The following NEB variants were observed in gnomAD, a reference collection of about 807,000 sequenced individuals.
NEB encodes nebulin.
Under a neutral mutation model 952.2 loss-of-function variants are expected in NEB, and 512 were observed. That is an observed-to-expected ratio of 0.54 (90% CI 0.50 to 0.58). The LOEUF is 0.58. Among genes scored for constraint, NEB ranks in the 20% least tolerant of loss-of-function variants. The pLI is 0.00. For missense variants in NEB, 8,428 were observed against 9,231.1 expected, an observed-to-expected ratio of 0.91 and a Z score of 3.56; for synonymous variants, 2,900 against 3,149.8, an observed-to-expected ratio of 0.92 and a Z score of 2.66.
intron 63 of NEB, 65 bp from the exon 64 acceptor site, chr2:151,636,399 ACAATTCACTAAGTTCTCCACAGAC>A: frequency 8.0e-7 from 1 of 1,243,826 alleles, no homozygotes. Flanking sequence ...GAGGACTAAG[ACAATTCACTAAGTTCTCCACAGAC>A]AGTGCCTATA....
Position 151,569,322 on chromosome 2 carries a change from T to C in NEB, c.17481A>G (p.Pro5827=), listed in dbSNP as rs747014723. 3.1e-6 allele frequency: 5 copies of C among 1,613,990 alleles called. No homozygotes were observed. Among genetic ancestry groups the C allele is most frequent in the Non-Finnish European group, 2.5e-6 (3 of 1,179,854 alleles). Residue 5827 remains proline, a synonymous_variant, in exon 110 of 182, where the codon CCA becomes CCG. Coordinates refer to ENST00000397345, the MANE Select transcript of NEB (RefSeq NM_001164508.2). ...CATGATTGACGGACACGGAGTCATTTGGCATCCACCCAATTCCACGCAACC... is the reference window on the plus strand; with the variant it reads ...CATGATTGACGGACACGGAGTCATTCGGCATCCACCCAATTCCACGCAACC... The part of the protein sequence containing the change: ...LEWLRGIGWM[P]NDSVSVNHAK...
intron 142 of NEB, among the ~76,000 whole-genome samples, chr2:151,534,528 A>G (rs374153115): frequency 2.0e-5 from 3 of 152,326 alleles, no homozygotes; most frequent in African/African-American, 7.2e-5. Flanking sequence ...GGTCAGATTT[A>G]TGACACCAAA....
chr2:151,716,791 G>A (rs947314404), intron 10 of NEB, among the ~76,000 whole-genome samples: 3 of 152,172 alleles, frequency 2.0e-5, no homozygotes, highest in Admixed American at 2.0e-4. Context: ...AAAAGCAGCA[G>A]TATCCCAGGA....
rs2153953179 is a variant in NEB, at chr2:151,606,596, G to A, written c.12747+10C>T. On this transcript the variant is annotated intron_variant, in intron 84 of 181. Transcript: ENST00000397345. ...AAAGAAAAACCACAAGAAAAGAGAA[G>A]GAAGCGTACCTCACTGGCAATTTCT... 1 of 718,482 alleles carries A rather than the reference G, an allele frequency of 1.4e-6. No homozygotes were observed. The allele number at this position is 718,482 out of a possible 1,614,324, so 44.5% of individuals were successfully genotyped here.
rs1576714614 is a variant in NEB, at chr2:151,697,556, G to T, written c.1245C>A (p.Asn415Lys). ...PKFKLDTVLQ[N>K]FSSDKKYKDS... ...TAGGATTGCTTACATCACTACTGAAGTTCTGCAGAACAGTATCGAGCTTGA... is the reference window on the plus strand; with the variant it reads ...TAGGATTGCTTACATCACTACTGAATTTCTGCAGAACAGTATCGAGCTTGA... The change falls in exon 14 of 182, where the codon AAC becomes AAA. Residue 415 changes from asparagine (N) to lysine (K), a missense_variant. Physicochemically the swap from Asn to Lys is moderately conservative, Grantham distance 94. Coordinates refer to ENST00000397345, the MANE Select transcript of NEB (RefSeq NM_001164508.2). The T allele has an allele frequency of 6.2e-7, 1 of 1,612,426 alleles. No homozygotes were observed. Among genetic ancestry groups the T allele is most frequent in the South Asian group, 1.1e-5 (1 of 90,694 alleles).
At position 151,565,786 on chromosome 2, in the gene NEB, C is replaced by A. The variant is rs767230103; in HGVS notation, c.18191G>T (p.Gly6064Val). 6 of 1,611,842 alleles carry A rather than the reference C, an allele frequency of 3.7e-6. No individual in the cohort carries two copies. Among genetic ancestry groups the A allele is most frequent in the Non-Finnish European group, 5.1e-6 (6 of 1,179,044 alleles). Residue 6064 changes from glycine to valine, a missense_variant, in exon 115 of 182, where the codon GGC (glycine) becomes GTC (valine). Physicochemically the swap from Gly to Val is moderately radical, Grantham distance 109. Transcript: ENST00000397345. ...VYRADLEWLR[G>V]IGWIPLDSVD... ...AGAATCCAGTGGGATCCAGCCAATG[C>A]CTCGGAGCCACTCCAGGTCAGCTCT...
chr2:151,505,911 T>C (rs752868147), intron 164 of NEB: 21 of 561,736 alleles, frequency 3.7e-5, no homozygotes, highest in Non-Finnish European at 6.0e-5. Context: ...GAAGGTTGGT[T>C]CTTTGACTGT....
In NEB at chr2:151,690,587, G is replaced by T; in HGVS notation, c.2310+140C>A. 4 of 690,952 alleles carry T rather than the reference G, an allele frequency of 5.8e-6. No homozygotes were observed. The East Asian group carries it at 1.2e-4, about 20-fold the overall frequency. 42.8% of individuals were successfully genotyped at this position (690,952 alleles called of 1,614,324 possible). On this transcript the variant is annotated intron_variant, in intron 24 of 181. Coordinates refer to ENST00000397345, the MANE Select transcript of NEB (RefSeq NM_001164508.2). Reference sequence around the variant, plus strand: ...GCAATTCAATCTAGCAGCCTCATTTGTGTTTTATTAAACAAATCTTGAAAA... The same window carrying T: ...GCAATTCAATCTAGCAGCCTCATTTTTGTTTTATTAAACAAATCTTGAAAA...
chr2:151,502,734 G>T (rs2065661459), intron 167 of NEB, 59 bp downstream of exon 167: 2 of 888,308 alleles, frequency 2.3e-6, no homozygotes, highest in East Asian at 2.6e-5. Context: ...CATTTGTAAG[G>T]TGTTATTATT....
intron 54 of NEB, among the ~76,000 whole-genome samples, chr2:151,648,841 C>T (rs983743076): frequency 7.9e-5 from 12 of 152,148 alleles, no homozygotes; most frequent in Admixed American, 6.5e-4. Flanking sequence ...AGAGAAAATG[C>T]TATTATTATT....
chr2:151,535,422 G>A (rs2092949497), intron 142 of NEB, among the ~76,000 whole-genome samples: 1 of 152,184 alleles, frequency 6.6e-6, no homozygotes, highest in Non-Finnish European at 1.5e-5. Flanking sequence ...ATTGTCACCC[G>A]CAGGGCTGTG....
chr2:151,645,913 G>A (rs1307083896), intron 55 of NEB, among the ~76,000 whole-genome samples: 2 of 152,176 alleles, frequency 1.3e-5, no homozygotes, highest in African/African-American at 4.8e-5. Context: ...ACAACGGACT[G>A]CAAGGAACAG....
intron 148 of NEB, 33 bp downstream of exon 148, chr2:151,526,885 G>T: frequency 7.0e-7 from 1 of 1,419,156 alleles, no homozygotes; most frequent in South Asian, 1.2e-5. Flanking sequence ...CCCTGAGTGA[G>T]GTTAGGCATC....
chr2:151,488,542 T>A (rs1273073368), intron 181 of NEB, among the ~76,000 whole-genome samples: 1 of 151,440 alleles, frequency 6.6e-6, no homozygotes, highest in Non-Finnish European at 1.5e-5. Context: ...GCTATTCTGG[T>A]GGCTGAGGCT....
At chr2:151,514,740 T>G in intron 158 of NEB, 78 bp downstream of exon 158, 1 of 1,038,936 alleles carries the variant, frequency 9.6e-7, no homozygotes. Context: ...ATGTAAATGG[T>G]AGGAGGAACA....
intron 54 of NEB, among the ~76,000 whole-genome samples, chr2:151,646,900 G>A (rs2098966898): frequency 6.6e-6 from 1 of 152,134 alleles, no homozygotes; most frequent in Admixed American, 6.5e-5. Context: ...CCAAAGTGCT[G>A]GGATTACAGG....
chr2:151,553,795 C>T (rs752170910), intron 126 of NEB, 33 bp downstream of exon 126: 33 of 1,570,812 alleles, frequency 2.1e-5, no homozygotes, highest in Admixed American at 1.4e-4. Context: ...GGGGCGGGGC[C>T]GTGGAGGGGT....
At chr2:151,546,653 A>G (rs1234725960) in intron 133 of NEB, among the ~76,000 whole-genome samples, 1 of 149,486 alleles carries the variant, frequency 6.7e-6, no homozygotes, top group Non-Finnish European at 1.5e-5. Context: ...CCGCCTCCCG[A>G]GTTCAAGCGA....
intron 9 of NEB, among the ~76,000 whole-genome samples, chr2:151,719,922 C>T (rs6716286): frequency 0.72 from 105,795 of 147,328 alleles, 40,023 homozygotes; most frequent in Non-Finnish European, 0.83. Context: ...CTGAAGACTT[C>T]ATTTTAGGCA....
Sources: gnomAD v4.1 joint callset for allele counts (sites outside exome capture counted in the v4.1 genomes callset) on GRCh38, gnomAD v4.1.1 for gene constraint, MANE v1.5 for transcripts, NCBI Gene and HGNC (gene_info 2026-07-23, HGNC 2026-07-21) for gene names.